Variants in PDZRN4 observed in about 807,000 individuals in gnomAD.
PDZRN4 encodes the protein PDZ domain containing ring finger 4.
In PDZRN4, 70 loss-of-function variants were observed where a neutral mutation model predicts 99.0. The ratio of observed to expected loss-of-function variants is 0.71; its 90% CI spans 0.58 to 0.86. PDZRN4 has a LOEUF of 0.86. Among genes scored for constraint, PDZRN4 ranks in the 40% least tolerant of loss-of-function variants. The probability of loss-of-function intolerance (pLI) is 0.00; values close to 1 mark genes in which losing one functional copy is unlikely to be tolerated. For missense variants in PDZRN4, 1,474 were observed against 1,331.2 expected, an observed-to-expected ratio of 1.11 and a Z score of -1.67; for synonymous variants, 551 against 501.6, an observed-to-expected ratio of 1.10 and a Z score of -1.32.
chr12:41,250,509 T>C (rs1053561394), intron 3 of PDZRN4, among the ~76,000 whole-genome samples: 2 of 152,224 alleles, frequency 1.3e-5, no homozygotes, highest in Non-Finnish European at 2.9e-5. Context: ...TAAGCAATGA[T>C]GCCAGCCTTT....
chr12:41,236,345 G>C (rs555426883), intron 3 of PDZRN4, among the ~76,000 whole-genome samples: 1 of 152,074 alleles, frequency 6.6e-6, no homozygotes, highest in Non-Finnish European at 1.5e-5. Flanking sequence ...AGAATTGGGG[G>C]CAGGGTGCTT....
At position 41,381,353 on chromosome 12, in the gene PDZRN4, T is replaced by C. The variant is rs558648693; in HGVS notation, c.844-125103T>C. Among the ~76,000 whole-genome samples the C allele has an allele frequency of 9.2e-5, 14 of 152,166 alleles. No individual in the cohort carries two copies. The East Asian group carries it at 1.5e-3, about 17-fold the overall frequency. On this transcript the variant is annotated intron_variant, in intron 3 of 9. Transcript: ENST00000402685. The stretch of plus-strand genomic sequence containing the variant: ...TTCTCTCTCTCTCTCTCCCCTCTTA[T>C]TTCCATAATATATAGTTTTGCTTGA...
In PDZRN4 at chr12:41,390,953, G is replaced by A. The variant is rs1235740800; in HGVS notation, c.844-115503G>A. Among the ~76,000 whole-genome samples, 4 of 152,120 alleles carry A rather than the reference G, an allele frequency of 2.6e-5. No individual in the cohort carries two copies. In the East Asian group the frequency reaches 7.7e-4, roughly 29 times the overall value. On this transcript the variant is annotated intron_variant, in intron 3 of 9. Coordinates refer to ENST00000402685, the MANE Select transcript of PDZRN4 (RefSeq NM_001164595.2). ...TATCATGAACAATAAAACAAACTGT[G>A]CAAATTCTGGACTACAACTAGAATA...
At chr12:41,236,690 G>T (rs1951069351) in intron 3 of PDZRN4, among the ~76,000 whole-genome samples, 1 of 152,096 alleles carries the variant, frequency 6.6e-6, no homozygotes, top group Non-Finnish European at 1.5e-5. Context: ...ACAGTCTGGG[G>T]ATTGTTTTTT....
intron 3 of PDZRN4, among the ~76,000 whole-genome samples, chr12:41,332,234 GA>G: frequency 6.6e-6 from 1 of 152,224 alleles, no homozygotes; most frequent in East Asian, 1.9e-4. Context: ...GTTTTTCAAG[GA>G]GAGTACAAAG....
At chr12:41,392,936 T>C (rs1952219840) in intron 3 of PDZRN4, among the ~76,000 whole-genome samples, 1 of 152,200 alleles carries the variant, frequency 6.6e-6, no homozygotes, top group African/African-American at 2.4e-5. Flanking sequence ...TACTACCATA[T>C]GCTATATTTA....
intron 3 of PDZRN4, among the ~76,000 whole-genome samples, chr12:41,249,063 A>C (rs1951151889): frequency 6.6e-6 from 1 of 152,182 alleles, no homozygotes; most frequent in Admixed American, 6.5e-5. Context: ...CTTGGTTATT[A>C]CTAAACAAAA....
chr12:41,523,246 G>A (rs913399154), intron 5 of PDZRN4, among the ~76,000 whole-genome samples: 10 of 151,988 alleles, frequency 6.6e-5, no homozygotes, highest in Non-Finnish European at 1.3e-4. Context: ...CCATCATTTC[G>A]TGGCCCTGAG....
intron 3 of PDZRN4, among the ~76,000 whole-genome samples, chr12:41,305,082 G>A (rs1027238633): frequency 6.6e-6 from 1 of 152,202 alleles, no homozygotes; most frequent in Non-Finnish European, 1.5e-5. Context: ...GAGGTATTGG[G>A]CTCATGACAT....
intron 3 of PDZRN4, among the ~76,000 whole-genome samples, chr12:41,245,091 T>G (rs533859146): frequency 7.7e-4 from 117 of 152,252 alleles, no homozygotes; most frequent in African/African-American, 2.8e-3. Context: ...GCATTCCTAG[T>G]TACCACCCTG....
chr12:41,251,116 G>GT (rs1027906944), intron 3 of PDZRN4, among the ~76,000 whole-genome samples: 44 of 152,020 alleles, frequency 2.9e-4, no homozygotes, highest in African/African-American at 1.0e-3. Context: ...TAAAAGCTCT[G>GT]TTTTTTTCTG....
intron 3 of PDZRN4, among the ~76,000 whole-genome samples, chr12:41,421,474 T>C (rs546328858): frequency 3.3e-5 from 5 of 152,188 alleles, no homozygotes; most frequent in Non-Finnish European, 7.3e-5. Flanking sequence ...ATTACAGGCA[T>C]GAGCCACCGT....
intron 3 of PDZRN4, among the ~76,000 whole-genome samples, chr12:41,324,110 T>A (rs769015424): frequency 2.0e-4 from 30 of 152,210 alleles, no homozygotes; most frequent in Non-Finnish European, 1.0e-4. Context: ...TATGATGCTG[T>A]GATTCATTAT....
At chr12:41,520,198 TAC>T (rs1446901379) in intron 5 of PDZRN4, among the ~76,000 whole-genome samples, 1 of 152,158 alleles carries the variant, frequency 6.6e-6, no homozygotes, top group Non-Finnish European at 1.5e-5. Context: ...AAGATATGGT[TAC>T]AGTTTTTCAC....
At chr12:41,570,981 G>A (rs974709013) in intron 9 of PDZRN4, among the ~76,000 whole-genome samples, 1 of 152,000 alleles carries the variant, frequency 6.6e-6, no homozygotes, top group Admixed American at 6.6e-5. Context: ...TACTTTTGTG[G>A]AACAAAATAA....
chr12:41,337,528 G>A (rs4430580), intron 3 of PDZRN4, among the ~76,000 whole-genome samples: 58,448 of 151,966 alleles, frequency 0.38, 11,329 homozygotes, highest in African/African-American at 0.41. Context: ...TTAGGGATGG[G>A]AAGTAAAATT....
intron 3 of PDZRN4, among the ~76,000 whole-genome samples, chr12:41,457,246 T>A (rs2608695): frequency 0.092 from 14,044 of 152,194 alleles, 907 homozygotes; most frequent in Middle Eastern, 0.2. Context: ...ATATCCTCCA[T>A]GAAAGTTTAA....
At chr12:41,483,131 T>G (rs1937707764) in intron 3 of PDZRN4, among the ~76,000 whole-genome samples, 1 of 152,034 alleles carries the variant, frequency 6.6e-6, no homozygotes, top group Admixed American at 6.6e-5. Flanking sequence ...AGCTCAGCCT[T>G]TAAATATTCT....
intron 3 of PDZRN4, among the ~76,000 whole-genome samples, chr12:41,497,849 G>A (rs944470886): frequency 1.3e-5 from 2 of 151,996 alleles, no homozygotes; most frequent in African/African-American, 2.4e-5. Context: ...TGTTTTTCTA[G>A]GGATATGCAA....
Sources: gnomAD v4.1 joint callset for allele counts (sites outside exome capture counted in the v4.1 genomes callset) on GRCh38, gnomAD v4.1.1 for gene constraint, MANE v1.5 for transcripts, NCBI Gene and HGNC (gene_info 2026-07-23, HGNC 2026-07-21) for gene names.